Variants in RBPJ observed in about 807,000 individuals in gnomAD.
RBPJ encodes recombining binding protein suppressor of hairless.
In RBPJ, 9 loss-of-function variants were observed where a neutral mutation model predicts 67.8. The observed-to-expected ratio is 0.13, with a 90% CI of 0.08 to 0.23. The LOEUF is 0.23. RBPJ is among the 10% of genes least tolerant of loss of function. RBPJ has a pLI of 1.00. For missense variants in RBPJ, 305 were observed against 595.6 expected (o/e 0.51, Z 5.08); for synonymous variants, 198 against 203.3 (o/e 0.97, Z 0.22).
the RBPJ span, chr4:26,113,624 G>A: frequency 7.7e-5 from 27 of 352,684 alleles, no homozygotes; most frequent in Admixed American, 3.2e-4. Context: ...AGCCTTCACT[G>A]TCCATCAGGG....
chr4:26,400,171 A>G (rs1732625605), intron 2 of RBPJ, among the ~76,000 whole-genome samples: 1 of 152,344 alleles, frequency 6.6e-6, no homozygotes, highest in Non-Finnish European at 1.5e-5. Context: ...TAATTAAAAA[A>G]AAACCTGGAT....
In RBPJ at chr4:26,424,900, A is replaced by G; in HGVS notation, c.747+157A>G. On this transcript the variant is annotated intron_variant, in intron 7 of 10. Transcript: ENST00000355476. The surrounding 1 kb of genome is among the most constrained non-coding windows in gnomAD (Gnocchi z 5.3). ...TCAGTGCTGTTTATAATTGACAGTTATGCTCTACCTTATTTCAGAAATGCT... is the reference window on the plus strand; with the variant it reads ...TCAGTGCTGTTTATAATTGACAGTTGTGCTCTACCTTATTTCAGAAATGCT... 1 of 530,792 alleles carries G rather than the reference A, an allele frequency of 1.9e-6. No individual in the cohort carries two copies. Among genetic ancestry groups the G allele is most frequent in the South Asian group, 3.2e-5 (1 of 31,740 alleles). 32.9% of individuals were successfully genotyped at this position (530,792 alleles called of 1,614,324 possible).
chr4:26,433,755 T>G lies in RBPJ; in HGVS notation c.*2748T>G, dbSNP rs1334451821. The G allele has an allele frequency of 1.3e-5, 2 of 152,204 alleles. No individual in the cohort carries two copies. Among genetic ancestry groups the G allele is most frequent in the African/African-American group, 4.8e-5 (2 of 41,448 alleles). The allele number at this position is 152,204 out of a possible 1,614,324, so 9.4% of individuals were successfully genotyped here. A position where few individuals can be genotyped will look rare whatever the true frequency, so the allele number is the denominator to read the frequency against. ...TTCTTTTGTCAGCTGCTTACATTTT[T>G]TCTTTCATGGTTTTGTGAATCATTT... On this transcript the variant is annotated 3_prime_UTR_variant, in exon 11 of 11. Coordinates refer to ENST00000355476, the MANE Select transcript of RBPJ (RefSeq NM_015874.6).
the RBPJ span, among the ~76,000 whole-genome samples, chr4:26,138,687 G>T: frequency 6.6e-6 from 1 of 152,220 alleles, no homozygotes; most frequent in Admixed American, 6.5e-5. Context: ...TCCCATGTTA[G>T]TGACCAATGT....
At position 26,424,475 on chromosome 4, in the gene RBPJ, T is replaced by C. The variant is rs751079853; in HGVS notation, c.630T>C (p.His210=). The C allele has an allele frequency of 6.2e-7, 1 of 1,614,052 alleles. No homozygotes were observed. Among genetic ancestry groups the C allele is most frequent in the South Asian group, 1.1e-5 (1 of 91,054 alleles). Reference sequence around the variant, plus strand: ...AGCAGTGGGGAGCCTTTTTTATTCATCTCTGTGAGTATAAAAGTGTGCATT... The same window carrying C: ...AGCAGTGGGGAGCCTTTTTTATTCACCTCTGTGAGTATAAAAGTGTGCATT... ...SSQQWGAFFI[H]LLDDDESEGE... is the part of the protein sequence containing the mutation. The change falls in exon 6 of 11, where the codon CAT becomes CAC. Residue 210 remains histidine (H), a synonymous_variant. Coordinates refer to ENST00000355476, the MANE Select transcript of RBPJ (RefSeq NM_015874.6). This position sits in a 1 kb window ranked among gnomAD's most constrained non-coding sequence, Gnocchi z 5.3.
the RBPJ span, among the ~76,000 whole-genome samples, chr4:26,153,071 A>G: frequency 6.6e-6 from 1 of 152,226 alleles, no homozygotes; most frequent in African/African-American, 2.4e-5. Context: ...CCTTATACAC[A>G]TAGCCTGAAG....
intron 1 of RBPJ, among the ~76,000 whole-genome samples, chr4:26,262,895 G>C (rs530148835): frequency 6.6e-6 from 1 of 152,066 alleles, no homozygotes; most frequent in Admixed American, 6.6e-5. Flanking sequence ...AATCCATCAG[G>C]CTTCCCAGAG....
At chr4:26,125,758 C>G in the RBPJ span, among the ~76,000 whole-genome samples, 1 of 150,908 alleles carries the variant, frequency 6.6e-6, no homozygotes, top group South Asian at 2.1e-4. Context: ...AAGATGGCAC[C>G]AGTGCACTCC....
At chr4:26,335,798 T>C (rs1724764084) in intron 1 of RBPJ, among the ~76,000 whole-genome samples, 1 of 151,518 alleles carries the variant, frequency 6.6e-6, no homozygotes, top group Admixed American at 6.6e-5. Flanking sequence ...ATTTTTTTTG[T>C]ATTTTCAGTA....
intron 1 of RBPJ, among the ~76,000 whole-genome samples, chr4:26,175,916 T>C (rs895346642): frequency 6.6e-6 from 1 of 152,070 alleles, no homozygotes; most frequent in African/African-American, 2.4e-5. Flanking sequence ...AGGGGCAAGG[T>C]GTTACGCACC....
At chr4:26,350,957 C>T (rs777218387) in intron 1 of RBPJ, among the ~76,000 whole-genome samples, 5 of 152,094 alleles carry the variant, frequency 3.3e-5, no homozygotes, top group Admixed American at 1.3e-4. Flanking sequence ...ATGATTTTAA[C>T]CCATTTATGC....
upstream of RBPJ, among the ~76,000 whole-genome samples, chr4:26,316,444 TAC>T (rs1216603433): frequency 9.4e-5 from 13 of 138,448 alleles, no homozygotes; most frequent in African/African-American, 2.5e-4. Flanking sequence ...TACATTCATA[TAC>T]ATTCATATAT....
intron 1 of RBPJ, among the ~76,000 whole-genome samples, chr4:26,308,246 A>T (rs1173048919): frequency 6.6e-6 from 1 of 152,202 alleles, no homozygotes; most frequent in Admixed American, 6.5e-5. Flanking sequence ...ACTGCCCTCC[A>T]GCCTGGGTGA....
intron 1 of RBPJ, among the ~76,000 whole-genome samples, chr4:26,253,471 C>T (rs1720186907): frequency 6.7e-6 from 1 of 150,002 alleles, no homozygotes; most frequent in African/African-American, 2.5e-5. Context: ...GCCACTACGC[C>T]CGGCTAATTT....
chr4:26,180,242 T>C (rs1214645709), intron 1 of RBPJ, among the ~76,000 whole-genome samples: 4 of 151,234 alleles, frequency 2.6e-5, no homozygotes, highest in Non-Finnish European at 5.9e-5. Flanking sequence ...AGTACCTGGG[T>C]GACGAAATAA....
intron 1 of RBPJ, among the ~76,000 whole-genome samples, chr4:26,357,368 T>C (rs982995057): frequency 6.6e-6 from 1 of 152,146 alleles, no homozygotes; most frequent in Non-Finnish European, 1.5e-5. Context: ...TTTGTAAGAC[T>C]TGGCTTAGGA....
chr4:26,158,945 TTCTCTC>T (rs5856933), upstream of RBPJ, among the ~76,000 whole-genome samples: 40,464 of 136,760 alleles, frequency 0.3, 6,204 homozygotes, highest in South Asian at 0.43. Flanking sequence ...CTCTCTCTCT[TTCTCTC>T]TCTCTCTCTC....
chr4:26,287,885 C>T (rs780823907), intron 1 of RBPJ, among the ~76,000 whole-genome samples: 1 of 152,014 alleles, frequency 6.6e-6, no homozygotes, highest in Non-Finnish European at 1.5e-5. Context: ...CTAATTTTGT[C>T]ATTTATTTAA....
rs559623384 is a variant in RBPJ, at chr4:26,374,797, A to G, written c.21-11556A>G. On this transcript the variant is annotated intron_variant, in intron 1 of 10. Transcript: ENST00000355476. Reference sequence around the variant, plus strand: ...GCACTCTTTTCACAACATAGTGTCCATAATTGAAATGCAATTAAATTCTGT... The same window carrying G: ...GCACTCTTTTCACAACATAGTGTCCGTAATTGAAATGCAATTAAATTCTGT... Among the ~76,000 whole-genome samples the G allele has an allele frequency of 7.9e-5, 12 of 152,320 alleles. No homozygotes were observed. The East Asian group carries it at 1.5e-3, about 20-fold the overall frequency.
Sources: allele counts gnomAD v4.1 joint callset (sites outside exome capture counted in the v4.1 genomes callset), GRCh38; gene constraint gnomAD v4.1.1; non-coding constraint Gnocchi (gnomAD v3.1); transcripts MANE v1.5; gene names NCBI Gene and HGNC (gene_info 2026-07-23, HGNC 2026-07-21).